CACNA1D: variants seen among roughly 807,000 people sequenced by gnomAD.
CACNA1D encodes the protein calcium voltage-gated channel subunit alpha1 D.
CACNA1D carries 55 observed loss-of-function variants against 257.1 expected under a neutral mutation model. The observed-to-expected ratio is 0.21, with a 90% CI of 0.17 to 0.27. The LOEUF (loss-of-function observed/expected upper bound fraction) is 0.27. Among genes scored for constraint, CACNA1D ranks in the 10% least tolerant of loss-of-function variants. The probability of loss-of-function intolerance (pLI) is 1.00; values close to 1 mark genes in which losing one functional copy is unlikely to be tolerated. For synonymous variants in CACNA1D, 980 were observed against 1,014.9 expected (o/e 0.97, Z 0.65); for missense variants, 1,876 against 2,784.0 (o/e 0.67, Z 7.34).
rs1343942508 is a variant in CACNA1D, at chr3:53,792,663, G to A, written c.4923+5711G>A. 4.6e-5 allele frequency among the ~76,000 whole-genome samples: 7 copies of A among 152,258 alleles called. No individual in the cohort carries two copies. The South Asian group carries it at 1.5e-3, about 32-fold the overall frequency. ...CAGGAGTCCCAAAGGCTAGGCAGAG[G>A]GTGGGAGCAATGTCACCAGTGGGAA... On this transcript the variant is annotated intron_variant, in intron 40 of 47. Coordinates refer to ENST00000350061, the MANE Select transcript of CACNA1D (RefSeq NM_001128840.3).
At chr3:53,662,427 A>C (rs372948998) in intron 5 of CACNA1D, among the ~76,000 whole-genome samples, 2 of 152,042 alleles carry the variant, frequency 1.3e-5, no homozygotes, top group East Asian at 3.9e-4. Flanking sequence ...TCACTGTTTA[A>C]CTTCTTACCT....
intron 3 of CACNA1D, among the ~76,000 whole-genome samples, chr3:53,502,548 G>GT (rs113171057): frequency 0.023 from 3,425 of 146,542 alleles, 76 homozygotes; most frequent in African/African-American, 0.059. Flanking sequence ...GGTTGATATA[G>GT]TTTTTTTTTT....
At chr3:53,529,519 G>A (rs1323623435) in intron 3 of CACNA1D, among the ~76,000 whole-genome samples, 1 of 152,180 alleles carries the variant, frequency 6.6e-6, no homozygotes, top group East Asian at 1.9e-4. Flanking sequence ...GACTCATAAT[G>A]TGAGAAATAG....
chr3:53,569,734 T>C (rs944071757), intron 3 of CACNA1D, among the ~76,000 whole-genome samples: 1 of 152,220 alleles, frequency 6.6e-6, no homozygotes, highest in Admixed American at 6.5e-5. Flanking sequence ...TTCTTTATCA[T>C]TGATTTGGGG....
At chr3:53,575,694 A>C (rs2093025293) in intron 3 of CACNA1D, among the ~76,000 whole-genome samples, 1 of 150,252 alleles carries the variant, frequency 6.7e-6, no homozygotes, top group Non-Finnish European at 1.5e-5. Context: ...TTGTGAGAGT[A>C]AAGACATACA....
intron 3 of CACNA1D, among the ~76,000 whole-genome samples, chr3:53,600,866 G>T (rs1046389841): frequency 3.9e-5 from 6 of 152,148 alleles, no homozygotes; most frequent in Admixed American, 3.9e-4. Context: ...GAAGGACTTG[G>T]TTCTGAATGA....
At position 53,715,582 on chromosome 3, in the gene CACNA1D, A is replaced by G. The variant is rs79368998; in HGVS notation, c.1391-2719A>G. 6.9e-3 allele frequency among the ~76,000 whole-genome samples: 1,044 copies of G among 152,254 alleles called. 15 individuals are homozygous for G. The highest frequency in any genetic ancestry group is 0.024 in the African/African-American group (1,007 of 41,538). On this transcript the variant is annotated intron_variant, in intron 9 of 47. Coordinates refer to ENST00000350061, the MANE Select transcript of CACNA1D (RefSeq NM_001128840.3). Reference sequence around the variant, plus strand: ...TTAACATGTGTGGGCCTCACTGATCATCCAGCCCTGGGGACCCAGCACTCC... The same window carrying G: ...TTAACATGTGTGGGCCTCACTGATCGTCCAGCCCTGGGGACCCAGCACTCC...
At chr3:53,613,465 G>T (rs780643764) in intron 3 of CACNA1D, among the ~76,000 whole-genome samples, 5 of 152,110 alleles carry the variant, frequency 3.3e-5, no homozygotes, top group Non-Finnish European at 4.4e-5. Context: ...AGCCACATCT[G>T]ACTCTGTGAC....
chr3:53,563,927 C>A (rs1325300429), intron 3 of CACNA1D, among the ~76,000 whole-genome samples: 1 of 152,128 alleles, frequency 6.6e-6, no homozygotes, highest in Non-Finnish European at 1.5e-5. Context: ...GTGGGTACAT[C>A]TTCAGCTTTA....
chr3:53,599,564 A>G (rs1490478211), intron 3 of CACNA1D, among the ~76,000 whole-genome samples: 1 of 152,148 alleles, frequency 6.6e-6, no homozygotes, highest in Admixed American at 6.5e-5. Context: ...CTCCACCATA[A>G]CAAGCTGTGA....
chr3:53,528,897 A>G (rs1235444862), intron 3 of CACNA1D, among the ~76,000 whole-genome samples: 1 of 152,170 alleles, frequency 6.6e-6, no homozygotes, highest in Non-Finnish European at 1.5e-5. Flanking sequence ...TACTTCCAGT[A>G]GTTTTTGAAG....
chr3:53,648,061 G>T (rs1297963933), intron 3 of CACNA1D, among the ~76,000 whole-genome samples: 1 of 152,210 alleles, frequency 6.6e-6, no homozygotes, highest in South Asian at 2.1e-4. Context: ...ATAAAAGTCA[G>T]AGAGGAAAAA....
chr3:53,758,877 G>A lies in CACNA1D; in HGVS notation c.3787-3121G>A, dbSNP rs149729473. On this transcript the variant is annotated intron_variant, in intron 29 of 47. Transcript: ENST00000350061. Reference sequence around the variant, plus strand: ...TGTCATTTCTTGTATCTTATCTTCTGGTTACAAAGGCAATATGGTGCCTTT... The same window carrying A: ...TGTCATTTCTTGTATCTTATCTTCTAGTTACAAAGGCAATATGGTGCCTTT... 3.3e-3 allele frequency among the ~76,000 whole-genome samples: 508 copies of A among 152,204 alleles called. 5 individuals carry two copies. The highest frequency in any genetic ancestry group is 0.012 in the African/African-American group (484 of 41,542).
intron 17 of CACNA1D, 42 bp from the exon 18 acceptor site, chr3:53,731,974 A>T: frequency 7.7e-7 from 1 of 1,296,332 alleles, no homozygotes; most frequent in Non-Finnish European, 1.1e-6. Context: ...AAGTGATTTT[A>T]AGTCAGTCTC....
chr3:53,656,263 T>C (rs1397718511), intron 4 of CACNA1D, among the ~76,000 whole-genome samples: 1 of 152,216 alleles, frequency 6.6e-6, no homozygotes, highest in Admixed American at 6.5e-5. Context: ...CCATCCAGGC[T>C]CCTTTTTTGT....
At chr3:53,749,515 G>A (rs200761818) in intron 27 of CACNA1D, 46 bp downstream of exon 27, 60 of 1,343,702 alleles carry the variant, frequency 4.5e-5, no homozygotes, top group South Asian at 2.3e-4. Flanking sequence ...GGTCAGGAGC[G>A]GAGTGCCTTC....
intron 3 of CACNA1D, among the ~76,000 whole-genome samples, chr3:53,527,156 T>C (rs1179105919): frequency 6.6e-6 from 1 of 152,230 alleles, no homozygotes; most frequent in Non-Finnish European, 1.5e-5. Context: ...TCCTGTTTTA[T>C]AGATCAGAAA....
rs191877818 is a variant in CACNA1D at position 53,722,094 on chromosome 3, C to A, written c.1506-220C>A. ...CATAAGGAAGGACTGATAGCATGAT[C>A]AAGTCAAGATTATACTTTTAAAAGT... On this transcript the variant is annotated intron_variant, in intron 11 of 47. Coordinates refer to ENST00000350061, the MANE Select transcript of CACNA1D (RefSeq NM_001128840.3). 1.2e-4 allele frequency among the ~76,000 whole-genome samples: 19 copies of A among 152,330 alleles called. No homozygotes were observed. The East Asian group carries it at 3.5e-3, about 28-fold the overall frequency.
At chr3:53,750,294 T>TA (rs1162680592) in intron 27 of CACNA1D, among the ~76,000 whole-genome samples, 1 of 152,180 alleles carries the variant, frequency 6.6e-6, no homozygotes, top group Non-Finnish European at 1.5e-5. Flanking sequence ...CCCTCATCTC[T>TA]AAATCGAGGG....
Sources: allele counts gnomAD v4.1 joint callset (sites outside exome capture counted in the v4.1 genomes callset), GRCh38; gene constraint gnomAD v4.1.1; transcripts MANE v1.5; gene names NCBI Gene and HGNC (gene_info 2026-07-23, HGNC 2026-07-21).